MAF: variants seen among roughly 807,000 people sequenced by gnomAD.
MAF encodes the protein MAF bZIP transcription factor, also known as transcription factor Maf.
A neutral mutation model predicts 22.0 loss-of-function variants in MAF; 10 were observed. That is an observed-to-expected ratio of 0.45 (90% CI 0.28 to 0.77). The LOEUF is 0.77. Among genes scored for constraint, MAF ranks in the 30% least tolerant of loss-of-function variants. The probability of loss-of-function intolerance (pLI) is 0.12; values close to 1 mark genes in which losing one functional copy is unlikely to be tolerated. For synonymous variants in MAF, 337 were observed against 255.8 expected (o/e 1.32, Z -3.03); for missense variants, 544 against 548.4 (o/e 0.99, Z 0.08).
the MAF span, among the ~76,000 whole-genome samples, chr16:79,577,874 G>C: frequency 1.3e-5 from 2 of 151,910 alleles, no homozygotes; most frequent in African/African-American, 4.8e-5. Flanking sequence ...AACTTCCATC[G>C]ACCCCTTTTT....
chr16:79,508,270 A>G, the MAF span, among the ~76,000 whole-genome samples: 3 of 152,114 alleles, frequency 2.0e-5, no homozygotes, highest in African/African-American at 7.2e-5. Flanking sequence ...AGCACCTCTC[A>G]GGTCTTCTGG....
At chr16:79,279,433 C>T in the MAF span, among the ~76,000 whole-genome samples, 5 of 152,302 alleles carry the variant, frequency 3.3e-5, no homozygotes, top group African/African-American at 1.2e-4. Flanking sequence ...CATTCTGTTC[C>T]ATGAACGCAC....
At chr16:79,374,751 G>A in the MAF span, among the ~76,000 whole-genome samples, 5 of 152,208 alleles carry the variant, frequency 3.3e-5, no homozygotes, top group Non-Finnish European at 7.3e-5. Flanking sequence ...GAAATTGGAA[G>A]AGGTAATTTA....
At chr16:79,420,271 A>G in the MAF span, among the ~76,000 whole-genome samples, 146 of 152,294 alleles carry the variant, frequency 9.6e-4, 2 homozygotes, top group African/African-American at 3.4e-3. Context: ...GTGTCACGTT[A>G]TATGTGATTT....
the MAF span, among the ~76,000 whole-genome samples, chr16:79,532,511 T>C: frequency 4.6e-5 from 7 of 152,344 alleles, no homozygotes; most frequent in Admixed American, 6.5e-5. Flanking sequence ...AGTAGCCAAA[T>C]GGACTGTTCT....
the MAF span, among the ~76,000 whole-genome samples, chr16:79,480,875 G>C: frequency 2.6e-5 from 4 of 152,166 alleles, no homozygotes; most frequent in African/African-American, 9.7e-5. Context: ...CCGTGGGACT[G>C]GGCAGTTCAA....
chr16:79,330,001 A>T, the MAF span, among the ~76,000 whole-genome samples: 2 of 152,208 alleles, frequency 1.3e-5, no homozygotes, highest in Non-Finnish European at 2.9e-5. Flanking sequence ...ATGAGCAACT[A>T]ATCAATTGGC....
the MAF span, among the ~76,000 whole-genome samples, chr16:79,238,350 A>C: frequency 3.0e-3 from 453 of 152,214 alleles, 10 homozygotes; most frequent in Admixed American, 0.023. Context: ...ACTGTCCTTC[A>C]TTTACAGATT....
At chr16:79,406,691 G>A in the MAF span, among the ~76,000 whole-genome samples, 1 of 152,128 alleles carries the variant, frequency 6.6e-6, no homozygotes, top group Non-Finnish European at 1.5e-5. Context: ...TCAACATTCT[G>A]TCTATAAGAA....
chr16:79,521,734 T>C, the MAF span, among the ~76,000 whole-genome samples: 9 of 152,170 alleles, frequency 5.9e-5, no homozygotes, highest in African/African-American at 2.2e-4. Flanking sequence ...TAAAATGGGG[T>C]AATACCACTG....
At chr16:79,395,064 CTAGAT>C in the MAF span, among the ~76,000 whole-genome samples, 1 of 152,200 alleles carries the variant, frequency 6.6e-6, no homozygotes, top group South Asian at 2.1e-4. Context: ...AGGAATTGTT[CTAGAT>C]CAAGAATCTA....
chr16:79,457,943 G>GTAGAACATT, the MAF span, among the ~76,000 whole-genome samples: 227 of 152,216 alleles, frequency 1.5e-3, 1 homozygote, highest in Non-Finnish European at 8.2e-4. Context: ...AATGTTGACT[G>GTAGAACATT]TAGAACATTT....
In MAF at chr16:79,594,013, C is replaced by T. The variant is rs1255755688; in HGVS notation, c.*447G>A. The T allele has an allele frequency of 8.9e-6, 2 of 224,948 alleles. No individual in the cohort carries two copies. The highest frequency in any genetic ancestry group is 6.8e-5 in the East Asian group (1 of 14,606). 13.9% of individuals were successfully genotyped at this position (224,948 alleles called of 1,614,324 possible). On this transcript the variant is annotated 3_prime_UTR_variant, in exon 2 of 2. Transcript: ENST00000326043. ...GTGGATTTGTTTAGGGAAGGGGAGT[C>T]GAATATCTATTTTTCTTCTTAGTAA...
At chr16:79,511,941 T>C in the MAF span, among the ~76,000 whole-genome samples, 1 of 152,040 alleles carries the variant, frequency 6.6e-6, no homozygotes, top group South Asian at 2.1e-4. Flanking sequence ...AGTCACAGAT[T>C]GGCCAGACTG....
the MAF span, among the ~76,000 whole-genome samples, chr16:79,351,884 CTT>C: frequency 3.9e-5 from 6 of 152,134 alleles, no homozygotes. Context: ...GCCTTTTTCA[CTT>C]TGTTACCCCT....
At chr16:79,568,935 A>G in the MAF span, among the ~76,000 whole-genome samples, 1 of 152,232 alleles carries the variant, frequency 6.6e-6, no homozygotes, top group East Asian at 1.9e-4. Flanking sequence ...CCCATTTTAC[A>G]GATGAGAAGA....
At chr16:79,436,456 C>T in the MAF span, among the ~76,000 whole-genome samples, 4 of 152,200 alleles carry the variant, frequency 2.6e-5, no homozygotes, top group Admixed American at 6.5e-5. Flanking sequence ...CAGACATGTG[C>T]GTTAACGCTT....
chr16:79,361,321 G>C, the MAF span, among the ~76,000 whole-genome samples: 1 of 152,242 alleles, frequency 6.6e-6, no homozygotes, highest in South Asian at 2.1e-4. Flanking sequence ...GGTGTACCCA[G>C]GAAGGATGTG....
chr16:79,251,265 T>G, the MAF span, among the ~76,000 whole-genome samples: 6 of 152,278 alleles, frequency 3.9e-5, no homozygotes, highest in Non-Finnish European at 8.8e-5. Context: ...GTTAACTGTT[T>G]TCTAGGTGTG....
Sources: allele counts gnomAD v4.1 joint callset (sites outside exome capture counted in the v4.1 genomes callset), GRCh38; gene constraint gnomAD v4.1.1; transcripts MANE v1.5; gene names NCBI Gene and HGNC (gene_info 2026-07-23, HGNC 2026-07-21).